Variants in PDE2A observed in about 807,000 individuals in gnomAD.
PDE2A encodes phosphodiesterase 2A, also known as cGMP-dependent 3',5'-cyclic phosphodiesterase.
In PDE2A, 53 loss-of-function variants were observed where a neutral mutation model predicts 133.6. That is an observed-to-expected ratio of 0.40 (90% confidence interval 0.32 to 0.50). PDE2A has a LOEUF of 0.50. Among genes scored for constraint, PDE2A ranks in the 20% least tolerant of loss-of-function variants. The pLI, the probability that PDE2A is intolerant of heterozygous loss-of-function variation, is 0.73. For missense variants in PDE2A, 796 were observed against 1,232.4 expected, an observed-to-expected ratio of 0.65 and a Z score of 5.30; for synonymous variants, 491 against 490.2, an observed-to-expected ratio of 1.00 and a Z score of -0.02.
rs180721464 is a variant in PDE2A, at chr11:72,648,270, T to G, written c.72-5944A>C. On this transcript the variant is annotated intron_variant, in intron 1 of 30. Coordinates refer to ENST00000334456, the MANE Select transcript of PDE2A (RefSeq NM_002599.5). ...TGCCCAGGGATGCCTGCCTGGATAC[T>G]GCCTCCTCCACCTCAGCACCTGCCA... is the stretch of plus-strand genomic sequence containing the variant. 4.4e-3 allele frequency among the ~76,000 whole-genome samples: 672 copies of G among 152,296 alleles called. 5 individuals carry two copies. The highest frequency in any genetic ancestry group is 8.1e-3 in the Non-Finnish European group (554 of 68,008).
intron 2 of PDE2A, among the ~76,000 whole-genome samples, chr11:72,626,161 C>T (rs949798779): frequency 1.3e-5 from 2 of 152,252 alleles, no homozygotes; most frequent in Admixed American, 6.5e-5. Context: ...TATAAGTCCC[C>T]GGTGCTTTAT....
chr11:72,665,505 T>C (rs1855208385), intron 1 of PDE2A, among the ~76,000 whole-genome samples: 1 of 152,008 alleles, frequency 6.6e-6, no homozygotes, highest in South Asian at 2.1e-4. Flanking sequence ...AGTCTAACCT[T>C]GCACCTTCCA....
chr11:72,585,922 C>G, intron 14 of PDE2A, 148 bp downstream of exon 14: 1 of 652,108 alleles, frequency 1.5e-6, no homozygotes, highest in Non-Finnish European at 2.8e-6. Context: ...TGAACAACTG[C>G]AAGCCTTCAA....
At chr11:72,622,638 G>C (rs1857835876) in intron 2 of PDE2A, among the ~76,000 whole-genome samples, 1 of 152,200 alleles carries the variant, frequency 6.6e-6, no homozygotes, top group African/African-American at 2.4e-5. Context: ...GAGGTATCTA[G>C]AGTAGTCCAA....
chr11:72,658,206 C>T, intron 1 of PDE2A: 1 of 442,456 alleles, frequency 2.3e-6, no homozygotes, highest in Non-Finnish European at 4.6e-6. Context: ...GAACTGCCAG[C>T]AATGGTGGGT....
chr11:72,644,850 G>A lies in PDE2A; in HGVS notation c.72-2524C>T, dbSNP rs183258672. 1.2e-3 allele frequency among the ~76,000 whole-genome samples: 183 copies of A among 152,164 alleles called. 1 individual carries two copies. The highest frequency in any genetic ancestry group is 3.7e-3 in the African/African-American group (155 of 41,512). ...CAGCTCACTGCAACCTCCGCCTCCC[G>A]GGTTCAAGCAATTCTCCTGCCTCAG... On this transcript the variant is annotated intron_variant, in intron 1 of 30. Transcript: ENST00000334456.
At chr11:72,633,411 C>T (rs908867326) in intron 2 of PDE2A, among the ~76,000 whole-genome samples, 4 of 152,154 alleles carry the variant, frequency 2.6e-5, no homozygotes, top group Admixed American at 6.5e-5. Context: ...CCTTGCCCTT[C>T]GAGTCACAGG....
chr11:72,642,981 G>A (rs117465572), intron 1 of PDE2A: 8,360 of 154,534 alleles, frequency 0.054, 338 homozygotes, highest in Middle Eastern at 0.099. Context: ...GGAGACACGT[G>A]CGCACAGACA....
intron 4 of PDE2A, among the ~76,000 whole-genome samples, chr11:72,601,584 G>A (rs987594544): frequency 2.5e-4 from 38 of 152,252 alleles, no homozygotes; most frequent in African/African-American, 9.1e-4. Context: ...CGAGGTGGGC[G>A]GTGGGTGCTT....
chr11:72,629,520 T>C (rs1462724497), intron 2 of PDE2A, among the ~76,000 whole-genome samples: 2 of 152,214 alleles, frequency 1.3e-5, no homozygotes, highest in Admixed American at 1.3e-4. Context: ...GGGAATGCCA[T>C]GGCAGTAAAT....
intron 4 of PDE2A, among the ~76,000 whole-genome samples, chr11:72,601,643 A>G (rs1296925012): frequency 1.3e-5 from 2 of 152,100 alleles, no homozygotes; most frequent in Non-Finnish European, 2.9e-5. Context: ...AGCATCAGGT[A>G]ATCAGAGGCT....
chr11:72,649,560 G>A (rs1487711050), intron 1 of PDE2A, among the ~76,000 whole-genome samples: 3 of 152,230 alleles, frequency 2.0e-5, no homozygotes, highest in African/African-American at 7.2e-5. Context: ...TGGAAGGTGG[G>A]GCTGGTGGGG....
chr11:72,579,353 C>T lies in PDE2A; in HGVS notation c.2287G>A (p.Asp763Asn), dbSNP rs1460485511. ...DYQRMLDLMR[D>N]IILATDLAHH... Reference sequence around the variant, plus strand: ...GCCAGGTCTGTGGCCAAGATGATGTCCCGCATCAGATCCAGCATGCGCTGA... The same window carrying T: ...GCCAGGTCTGTGGCCAAGATGATGTTCCGCATCAGATCCAGCATGCGCTGA... The change falls in exon 27 of 31, where the codon GAC becomes AAC. Residue 763 changes from aspartate (D) to asparagine (N), a missense_variant. Asp to Asn is a conservative substitution (Grantham distance 23). Coordinates refer to ENST00000334456, the MANE Select transcript of PDE2A (RefSeq NM_002599.5). 1 of 1,613,774 alleles carries T rather than the reference C, an allele frequency of 6.2e-7. No individual in the cohort carries two copies. Among genetic ancestry groups the T allele is most frequent in the Non-Finnish European group, 8.5e-7 (1 of 1,179,956 alleles).
chr11:72,646,368 A>G (rs569548913), intron 1 of PDE2A, among the ~76,000 whole-genome samples: 5 of 152,344 alleles, frequency 3.3e-5, no homozygotes, highest in Non-Finnish European at 1.5e-5. Flanking sequence ...GCCAGATCCA[A>G]CAGCCTCAGG....
chr11:72,649,571 C>T (rs925137695), intron 1 of PDE2A, among the ~76,000 whole-genome samples: 1 of 152,228 alleles, frequency 6.6e-6, no homozygotes, highest in Admixed American at 6.5e-5. Flanking sequence ...GCTGGTGGGG[C>T]CCCCAGAGCC....
rs568913766 is a variant in PDE2A at position 72,644,180 on chromosome 11, C to T, written c.72-1854G>A. On this transcript the variant is annotated intron_variant, in intron 1 of 30. Coordinates refer to ENST00000334456, the MANE Select transcript of PDE2A (RefSeq NM_002599.5). ...CTGGGAGGGCTTCCCTGGTTACTAC[C>T]TTATCCCTCTGGGTAGCCCTTTTTT... 6.6e-5 allele frequency among the ~76,000 whole-genome samples: 10 copies of T among 152,336 alleles called. 1 individual carries two copies. The South Asian group carries it at 1.7e-3, about 25-fold the overall frequency.
rs141134299 is a variant in PDE2A at position 72,630,550 on chromosome 11, G to A, written c.144+11704C>T. On this transcript the variant is annotated intron_variant, in intron 2 of 30. Coordinates refer to ENST00000334456, the MANE Select transcript of PDE2A (RefSeq NM_002599.5). ...GAGGCAGGAATGGATGAAGGGGAACGATTGCCAGGCTGGGGTTGTGGAGGG... is the reference window on the plus strand; with the variant it reads ...GAGGCAGGAATGGATGAAGGGGAACAATTGCCAGGCTGGGGTTGTGGAGGG... 1.3e-3 allele frequency among the ~76,000 whole-genome samples: 195 copies of A among 146,932 alleles called. No individual in the cohort carries two copies. The East Asian group carries it at 0.015, about 11-fold the overall frequency.
intron 1 of PDE2A, among the ~76,000 whole-genome samples, chr11:72,661,701 G>A (rs1159427957): frequency 6.6e-6 from 1 of 152,232 alleles, no homozygotes; most frequent in African/African-American, 2.4e-5. Context: ...GCCCAGAGGC[G>A]AGAGACGCTG....
chr11:72,636,991 G>T (rs765645236), intron 2 of PDE2A, among the ~76,000 whole-genome samples: 1 of 152,148 alleles, frequency 6.6e-6, no homozygotes, highest in African/African-American at 2.4e-5. Flanking sequence ...GGACCCAGCC[G>T]GCTGGCACCC....
Sources: gnomAD v4.1 joint callset for allele counts (sites outside exome capture counted in the v4.1 genomes callset) on GRCh38, gnomAD v4.1.1 for gene constraint, MANE v1.5 for transcripts, NCBI Gene and HGNC (gene_info 2026-07-23, HGNC 2026-07-21) for gene names.